Variants in NPY2R observed in about 807,000 individuals in gnomAD.
The protein encoded by NPY2R is neuropeptide Y receptor type 2.
Under a neutral mutation model 22.3 loss-of-function variants are expected in NPY2R, and 17 were observed. The observed-to-expected ratio is 0.76, with a 90% CI of 0.52 to 1.14. NPY2R has a LOEUF of 1.14. Among genes scored for constraint, NPY2R ranks in the 50% most tolerant of loss-of-function variants. The probability of loss-of-function intolerance (pLI) is 0.00; values close to 1 mark genes in which losing one functional copy is unlikely to be tolerated. For missense variants in NPY2R, 424 were observed against 467.9 expected (o/e 0.91, Z 0.87); for synonymous variants, 209 against 183.4 (o/e 1.14, Z -1.13).
the NPY2R span, among the ~76,000 whole-genome samples, chr4:155,176,320 C>A: frequency 0.1 from 15,764 of 151,758 alleles, 1,006 homozygotes; most frequent in African/African-American, 0.18. Flanking sequence ...TTCACGAACA[C>A]CAGCAGCCCT....
At chr4:155,185,300 A>G in the NPY2R span, among the ~76,000 whole-genome samples, 4 of 152,128 alleles carry the variant, frequency 2.6e-5, no homozygotes, top group Non-Finnish European at 5.9e-5. Flanking sequence ...AGCCTCCCAA[A>G]GTGATGGGAT....
At chr4:155,197,344 T>C in the NPY2R span, among the ~76,000 whole-genome samples, 1 of 151,942 alleles carries the variant, frequency 6.6e-6, no homozygotes, top group African/African-American at 2.4e-5. Flanking sequence ...AGGTCACAAA[T>C]GGGAGTGTAA....
chr4:155,175,842 G>T, the NPY2R span, among the ~76,000 whole-genome samples: 1 of 151,580 alleles, frequency 6.6e-6, no homozygotes, highest in Admixed American at 6.6e-5. Flanking sequence ...AGAAAGAAAA[G>T]AAAAAAGAGA....
the NPY2R span, among the ~76,000 whole-genome samples, chr4:155,184,024 G>A: frequency 1.4e-4 from 21 of 152,046 alleles, no homozygotes; most frequent in East Asian, 3.9e-4. Context: ...TCCTGTCTCC[G>A]CTTTAGACTC....
the NPY2R span, among the ~76,000 whole-genome samples, chr4:155,194,473 C>A: frequency 6.6e-6 from 1 of 151,880 alleles, no homozygotes; most frequent in South Asian, 2.1e-4. Flanking sequence ...ATGCTTAGCT[C>A]CCACTTATAA....
the NPY2R span, among the ~76,000 whole-genome samples, chr4:155,189,739 A>G: frequency 3.9e-5 from 6 of 152,076 alleles, 1 homozygote; most frequent in African/African-American, 1.4e-4. Flanking sequence ...CAACCAAACC[A>G]GGAGTAGGGA....
chr4:155,200,066 C>T, the NPY2R span, among the ~76,000 whole-genome samples: 2 of 152,234 alleles, frequency 1.3e-5, no homozygotes, highest in Admixed American at 6.5e-5. Flanking sequence ...AACAGACAAC[C>T]TTATACAATG....
chr4:155,206,963 T>G (rs562950628), upstream of NPY2R: 1 of 152,290 alleles, frequency 6.6e-6, no homozygotes, highest in South Asian at 2.1e-4. Flanking sequence ...GAGTACTTTC[T>G]TAAGGAAAAA....
At chr4:155,202,352 C>G in the NPY2R span, among the ~76,000 whole-genome samples, 1 of 152,122 alleles carries the variant, frequency 6.6e-6, no homozygotes, top group Non-Finnish European at 1.5e-5. Context: ...TCAGAGTCCA[C>G]TCAGAAATCT....
upstream of NPY2R, among the ~76,000 whole-genome samples, chr4:155,204,374 C>A (rs1729244058): frequency 6.6e-6 from 1 of 152,152 alleles, no homozygotes. Flanking sequence ...TACGTGGACT[C>A]CATGTTACCT....
At chr4:155,186,406 A>C in the NPY2R span, among the ~76,000 whole-genome samples, 1 of 152,188 alleles carries the variant, frequency 6.6e-6, no homozygotes, top group Non-Finnish European at 1.5e-5. Flanking sequence ...TCTGAAAATC[A>C]CATCAAGAAA....
the NPY2R span, among the ~76,000 whole-genome samples, chr4:155,175,665 C>T: frequency 6.6e-6 from 1 of 151,964 alleles, no homozygotes; most frequent in South Asian, 2.1e-4. Flanking sequence ...TAGTGTCAAA[C>T]AAAAATGACA....
the NPY2R span, among the ~76,000 whole-genome samples, chr4:155,179,160 C>T: frequency 1.3e-5 from 2 of 152,168 alleles, no homozygotes; most frequent in African/African-American, 4.8e-5. Flanking sequence ...CCAATGACAA[C>T]CCTGAGAATA....
chr4:155,174,394 C>G, the NPY2R span: 2 of 148,908 alleles, frequency 1.3e-5, no homozygotes, highest in Non-Finnish European at 3.0e-5. Context: ...AGAAGAAGGT[C>G]TCCTAGGCAT....
the NPY2R span, among the ~76,000 whole-genome samples, chr4:155,175,698 C>A: frequency 6.6e-6 from 1 of 152,186 alleles, no homozygotes; most frequent in African/African-American, 2.4e-5. Flanking sequence ...ACTAGCTCAT[C>A]TTTGCTCACA....
chr4:155,199,144 A>G, the NPY2R span, among the ~76,000 whole-genome samples: 1 of 151,870 alleles, frequency 6.6e-6, no homozygotes, highest in East Asian at 1.9e-4. Flanking sequence ...TACCCCTTCT[A>G]TTTTCATTGT....
chr4:155,198,983 T>C, the NPY2R span, among the ~76,000 whole-genome samples: 2 of 152,104 alleles, frequency 1.3e-5, no homozygotes, highest in Admixed American at 6.6e-5. Context: ...CAAGCTTAAA[T>C]ACCATTCAGT....
At chr4:155,191,326 A>G in the NPY2R span, among the ~76,000 whole-genome samples, 6 of 152,030 alleles carry the variant, frequency 3.9e-5, no homozygotes, top group Non-Finnish European at 7.4e-5. Flanking sequence ...TCTTTGTCCA[A>G]TAGGAGGTAC....
the NPY2R span, among the ~76,000 whole-genome samples, chr4:155,198,037 T>TA: frequency 2.6e-5 from 4 of 152,010 alleles, no homozygotes; most frequent in Non-Finnish European, 4.4e-5. Flanking sequence ...CCAAGCTTCA[T>TA]AAAAATATGT....
Sources: gnomAD v4.1 joint callset for allele counts (sites outside exome capture counted in the v4.1 genomes callset) on GRCh38, gnomAD v4.1.1 for gene constraint, MANE v1.5 for transcripts, NCBI Gene and HGNC (gene_info 2026-07-23, HGNC 2026-07-21) for gene names.